SAMD8: variants seen among roughly 807,000 people sequenced by gnomAD.
SAMD8 encodes sterile alpha motif domain containing 8, also known as sphingomyelin synthase-related protein 1.
SAMD8 carries 20 observed loss-of-function variants against 42.0 expected under a neutral mutation model. The observed-to-expected ratio is 0.48, with a 90% confidence interval of 0.34 to 0.69. The LOEUF (loss-of-function observed/expected upper bound fraction) is 0.69, where lower values mean the gene tolerates loss of function less well. Ranked by LOEUF, SAMD8 falls within the 30% of genes least tolerant of loss-of-function variation. The probability of loss-of-function intolerance (pLI) is 0.01; values close to 1 mark genes in which losing one functional copy is unlikely to be tolerated. For missense variants in SAMD8, 328 were observed against 511.6 expected, an observed-to-expected ratio of 0.64 and a Z score of 3.46; for synonymous variants, 162 against 173.0, an observed-to-expected ratio of 0.94 and a Z score of 0.50.
intron 1 of SAMD8, among the ~76,000 whole-genome samples, chr10:75,122,419 T>G (rs1179810848): frequency 6.6e-6 from 1 of 151,780 alleles, no homozygotes; most frequent in East Asian, 1.9e-4. Context: ...CGAGACCAGC[T>G]TGGCCAACAT....
chr10:75,168,352 G>C, intron 3 of SAMD8, 189 bp from the exon 4 acceptor site: 1 of 827,258 alleles, frequency 1.2e-6, no homozygotes, highest in Non-Finnish European at 1.5e-6. Flanking sequence ...GACAGTATAT[G>C]GAACATTTCC....
chr10:75,132,482 G>A (rs1455408332), intron 1 of SAMD8, among the ~76,000 whole-genome samples: 1 of 152,068 alleles, frequency 6.6e-6, no homozygotes, highest in African/African-American at 2.4e-5. Context: ...ATCTCTAAGG[G>A]TGAATACCAG....
At chr10:75,130,122 G>A (rs945636546) in intron 1 of SAMD8, among the ~76,000 whole-genome samples, 17 of 152,020 alleles carry the variant, frequency 1.1e-4, no homozygotes, top group African/African-American at 3.9e-4. Flanking sequence ...ACTGGATGCC[G>A]AAATATTTAT....
chr10:75,176,829 G>GT lies in SAMD8; in HGVS notation c.*139dup. The stretch of plus-strand genomic sequence containing the variant: ...AGTAAAGTTTTCTGTTCTGAGCAAA[G>GT]TTATGATTATAAAAAGCAAGAAAGA... On this transcript the variant is annotated 3_prime_UTR_variant, in exon 6 of 6. Coordinates refer to ENST00000542569, the MANE Select transcript of SAMD8 (RefSeq NM_001174156.2). This position sits in a 1 kb window ranked among gnomAD's most constrained non-coding sequence, Gnocchi z 4.3. The GT allele has an allele frequency of 6.2e-6, 4 of 641,482 alleles. No individual in the cohort carries two copies. The highest frequency in any genetic ancestry group is 1.0e-5 in the Non-Finnish European group (4 of 382,340). The allele number at this position is 641,482 out of a possible 1,614,324, so 39.7% of individuals were successfully genotyped here. A position where few individuals can be genotyped will look rare whatever the true frequency, so the allele number is the denominator to read the frequency against.
chr10:75,120,652 A>G (rs1285179750), intron 1 of SAMD8, among the ~76,000 whole-genome samples: 1 of 152,106 alleles, frequency 6.6e-6, no homozygotes, highest in African/African-American at 2.4e-5. Flanking sequence ...TTAAGTCGTT[A>G]TATGAGCAGT....
At position 75,122,333 on chromosome 10, in the gene SAMD8, T is replaced by G. The variant is rs550459085; in HGVS notation, c.-16+10611T>G. ...TTTTTATTTTGAAATAATTATAGGCTGGGCGCAGTGGCTCACGCCTGTAAT... is the reference window on the plus strand; with the variant it reads ...TTTTTATTTTGAAATAATTATAGGCGGGGCGCAGTGGCTCACGCCTGTAAT... On this transcript the variant is annotated intron_variant, in intron 1 of 5. Transcript: ENST00000542569. 4.0e-3 allele frequency among the ~76,000 whole-genome samples: 603 copies of G among 152,198 alleles called. 2 individuals carry two copies. Among genetic ancestry groups the G allele is most frequent in the Middle Eastern group, 0.01 (3 of 294 alleles).
At chr10:75,163,836 G>T (rs1840614771) in intron 2 of SAMD8, among the ~76,000 whole-genome samples, 1 of 152,006 alleles carries the variant, frequency 6.6e-6, no homozygotes, top group Non-Finnish European at 1.5e-5. Context: ...GAGCTGTTTG[G>T]TGGGGAGGAA....
chr10:75,106,083 T>C (rs1365001716), intron 1 of SAMD8, among the ~76,000 whole-genome samples: 1 of 145,690 alleles, frequency 6.9e-6, no homozygotes, highest in Non-Finnish European at 1.5e-5. Context: ...CGAATTTCTT[T>C]TTTCTTTTCT....
chr10:75,159,336 C>T (rs969770705), intron 2 of SAMD8, among the ~76,000 whole-genome samples: 4 of 152,042 alleles, frequency 2.6e-5, no homozygotes, highest in Admixed American at 6.6e-5. Flanking sequence ...AAGCATTACA[C>T]GTGTGAGCCA....
chr10:75,120,876 G>A (rs575393412), intron 1 of SAMD8, among the ~76,000 whole-genome samples: 2 of 146,906 alleles, frequency 1.4e-5, no homozygotes, highest in African/African-American at 2.5e-5. Flanking sequence ...CGCCTCCCAG[G>A]TTCAAGCGAT....
chr10:75,163,875 A>C (rs1312951990), intron 2 of SAMD8, among the ~76,000 whole-genome samples: 1 of 152,124 alleles, frequency 6.6e-6, no homozygotes, highest in Non-Finnish European at 1.5e-5. Context: ...TAGAAAAAAA[A>C]CCAGGGTTAC....
rs1192785153 is a variant in SAMD8, at chr10:75,179,656, C to T, written c.*2964C>T. The T allele has an allele frequency of 6.6e-6, 1 of 152,146 alleles. No individual in the cohort carries two copies. Among genetic ancestry groups the T allele is most frequent in the Non-Finnish European group, 1.5e-5 (1 of 68,000 alleles). The allele number at this position is 152,146 out of a possible 1,614,324, so 9.4% of individuals were successfully genotyped here. ...GAAAACATTGAGACAAATTTATTTT[C>T]AGTTTTACTTAAACATGAAACCTGT... On this transcript the variant is annotated 3_prime_UTR_variant, in exon 6 of 6. Transcript: ENST00000542569.
chr10:75,124,487 C>T (rs1364580826), intron 1 of SAMD8, among the ~76,000 whole-genome samples: 1 of 151,998 alleles, frequency 6.6e-6, no homozygotes, highest in Non-Finnish European at 1.5e-5. Flanking sequence ...GTGGCGCACG[C>T]CTGTAGTTCC....
At chr10:75,122,337 C>T (rs1007467245) in intron 1 of SAMD8, among the ~76,000 whole-genome samples, 1 of 151,998 alleles carries the variant, frequency 6.6e-6, no homozygotes, top group Non-Finnish European at 1.5e-5. Context: ...ATAGGCTGGG[C>T]GCAGTGGCTC....
chr10:75,130,874 G>A (rs899295429), intron 1 of SAMD8, among the ~76,000 whole-genome samples: 30 of 152,270 alleles, frequency 2.0e-4, no homozygotes, highest in African/African-American at 6.5e-4. Flanking sequence ...TCATAAAAGT[G>A]TTGTGAGGAT....
intron 1 of SAMD8, chr10:75,105,885 G>A (rs1367511196): frequency 1.3e-6 from 2 of 1,544,498 alleles, no homozygotes; most frequent in Non-Finnish European, 1.8e-6. Flanking sequence ...AAGACATCCT[G>A]GTGAAAAACC....
chr10:75,153,812 T>G (rs530048872), intron 2 of SAMD8, among the ~76,000 whole-genome samples: 1 of 151,806 alleles, frequency 6.6e-6, no homozygotes, highest in African/African-American at 2.4e-5. Context: ...GAGTCCAGGC[T>G]GGAGTGCAGT....
intron 2 of SAMD8, among the ~76,000 whole-genome samples, chr10:75,160,630 A>G (rs1423939309): frequency 6.6e-6 from 1 of 152,224 alleles, no homozygotes; most frequent in African/African-American, 2.4e-5. Flanking sequence ...GTCCACTAAA[A>G]TGGCAGTAAA....
At chr10:75,108,954 A>C (rs574361953), upstream of SAMD8, 61 of 1,545,622 alleles carry the variant, frequency 3.9e-5, no homozygotes, top group East Asian at 1.4e-3. Flanking sequence ...TAAAGCGACC[A>C]AGAACTGCCT....
Sources: allele counts gnomAD v4.1 joint callset (sites outside exome capture counted in the v4.1 genomes callset), GRCh38; gene constraint gnomAD v4.1.1; non-coding constraint Gnocchi (gnomAD v3.1); transcripts MANE v1.5; gene names NCBI Gene and HGNC (gene_info 2026-07-23, HGNC 2026-07-21).